Variants in TTC39B observed in about 807,000 individuals in gnomAD.
The protein encoded by TTC39B is tetratricopeptide repeat domain 39B, also known as tetratricopeptide repeat protein 39B.
Under a neutral mutation model 96.6 loss-of-function variants are expected in TTC39B, and 92 were observed. The observed-to-expected ratio is 0.95, with a 90% confidence interval of 0.80 to 1.13. The LOEUF is 1.13. Among genes scored for constraint, TTC39B ranks in the 50% most tolerant of loss-of-function variants. The pLI, the probability that TTC39B is intolerant of heterozygous loss-of-function variation, is 0.00. For synonymous variants in TTC39B, 367 were observed against 299.4 expected, an observed-to-expected ratio of 1.23 and a Z score of -2.33; for missense variants, 955 against 809.3, an observed-to-expected ratio of 1.18 and a Z score of -2.18.
intron 2 of TTC39B, among the ~76,000 whole-genome samples, chr9:15,243,888 G>C (rs897286261): frequency 2.0e-5 from 3 of 152,184 alleles, no homozygotes; most frequent in Non-Finnish European, 4.4e-5. Context: ...GCCCAGGCTG[G>C]AGTCTCTAAA....
At chr9:15,177,847 A>C in intron 17 of TTC39B, 33 bp from the exon 18 acceptor site, 1 of 1,308,474 alleles carries the variant, frequency 7.6e-7, no homozygotes, top group Non-Finnish European at 1.1e-6. Context: ...GAAAACACAC[A>C]AAGAAAAATA....
In TTC39B at chr9:15,175,142, G is replaced by C; in HGVS notation, c.1842-7C>G. 1 of 1,574,794 alleles carries C rather than the reference G, an allele frequency of 6.4e-7. No homozygotes were observed. Among genetic ancestry groups the C allele is most frequent in the Non-Finnish European group, 8.7e-7 (1 of 1,145,484 alleles). ...ATACTTCAGTAGCTTTTCACTGAAA[G>C]AGCAGAGGAAAATCAAGTAAATCTT... On this transcript the variant is annotated splice_region_variant and splice_polypyrimidine_tract_variant and intron_variant, in intron 18 of 19. Transcript: ENST00000512701.
intron 2 of TTC39B, among the ~76,000 whole-genome samples, chr9:15,265,358 T>A (rs2131545474): frequency 6.6e-6 from 1 of 152,258 alleles, no homozygotes; most frequent in South Asian, 2.1e-4. Context: ...CCCGTCCTCC[T>A]CTGTGAGGTC....
chr9:15,176,908 G>C (rs896131497), intron 18 of TTC39B, among the ~76,000 whole-genome samples: 1 of 152,184 alleles, frequency 6.6e-6, no homozygotes. Context: ...TCTATGGTTA[G>C]TAATGGAGCA....
intron 2 of TTC39B, among the ~76,000 whole-genome samples, chr9:15,239,398 A>G (rs1201858338): frequency 6.6e-6 from 1 of 152,244 alleles, no homozygotes; most frequent in Non-Finnish European, 1.5e-5. Context: ...CATTTGAGAC[A>G]GCAATCCCAC....
intron 2 of TTC39B, among the ~76,000 whole-genome samples, chr9:15,233,566 C>G (rs1053123527): frequency 1.3e-5 from 2 of 151,268 alleles, no homozygotes; most frequent in African/African-American, 4.9e-5. Flanking sequence ...CTGTGTTGGC[C>G]GGGCTGGTCT....
At chr9:15,190,769 ATATATTACG>A in intron 10 of TTC39B, 107 bp from the exon 11 acceptor site, 3 of 894,004 alleles carry the variant, frequency 3.4e-6, no homozygotes, top group Non-Finnish European at 5.3e-6. Flanking sequence ...TACAGATTTC[ATATATTACG>A]CTGTGGTGAA....
intron 19 of TTC39B, among the ~76,000 whole-genome samples, chr9:15,173,677 T>C (rs1054637285): frequency 1.3e-5 from 2 of 152,206 alleles, no homozygotes; most frequent in Non-Finnish European, 2.9e-5. Context: ...TCTCTAGCTA[T>C]ATAACATTCA....
At chr9:15,237,898 A>G (rs533465235) in intron 2 of TTC39B, among the ~76,000 whole-genome samples, 3 of 152,212 alleles carry the variant, frequency 2.0e-5, no homozygotes, top group Non-Finnish European at 4.4e-5. Context: ...ACAAAATACT[A>G]GCAAACTGAA....
At chr9:15,270,699 G>C (rs1295315503) in intron 1 of TTC39B, among the ~76,000 whole-genome samples, 9 of 151,396 alleles carry the variant, frequency 5.9e-5, no homozygotes, top group Non-Finnish European at 1.3e-4. Flanking sequence ...AGGATGGCTT[G>C]AGTTCAGCAT....
intron 8 of TTC39B, among the ~76,000 whole-genome samples, chr9:15,196,016 C>G (rs1490563891): frequency 6.6e-6 from 1 of 152,160 alleles, no homozygotes; most frequent in South Asian, 2.1e-4. Flanking sequence ...TCTGCCAGTG[C>G]TCTATAATTA....
At chr9:15,214,350 G>GTGTGTC (rs1554773305) in intron 3 of TTC39B, 101 bp from the exon 4 acceptor site, 42 of 552,308 alleles carry the variant, frequency 7.6e-5, no homozygotes, top group African/African-American at 6.1e-4. Flanking sequence ...GTGTGTGTCT[G>GTGTGTC]TGTGTGTGTG....
At chr9:15,214,333 T>TGTGC in intron 3 of TTC39B, 84 bp from the exon 4 acceptor site, 1 of 842,702 alleles carries the variant, frequency 1.2e-6, no homozygotes, top group East Asian at 2.6e-5. Flanking sequence ...TGTGTGTGTG[T>TGTGC]GTGTGTGTGT....
At chr9:15,203,497 G>C (rs1019303673) in intron 7 of TTC39B, among the ~76,000 whole-genome samples, 1 of 151,708 alleles carries the variant, frequency 6.6e-6, no homozygotes, top group Non-Finnish European at 1.5e-5. Context: ...TGGACCTCAG[G>C]TGATCCGCCC....
chr9:15,236,519 T>C (rs1007453254), intron 2 of TTC39B, among the ~76,000 whole-genome samples: 1 of 152,206 alleles, frequency 6.6e-6, no homozygotes, highest in Non-Finnish European at 1.5e-5. Flanking sequence ...ACAGAATATA[T>C]ATTCTTTTCA....
chr9:15,277,371 T>C (rs1393001568), intron 1 of TTC39B, among the ~76,000 whole-genome samples: 1 of 152,192 alleles, frequency 6.6e-6, no homozygotes, highest in African/African-American at 2.4e-5. Context: ...GCGGTTGCAG[T>C]GAGCCAAGAT....
At chr9:15,167,009 TATATATATATATATATA>T (rs1325615292) in exon 20 of TTC39B, 11 of 7,618 alleles carry the variant, frequency 1.4e-3, no homozygotes, top group African/African-American at 1.7e-3. Context: ...TATATATATA[TATATATATATATATATA>T]TATTTTTTTT....
At chr9:15,240,456 T>G (rs619105) in intron 2 of TTC39B, among the ~76,000 whole-genome samples, 1 of 151,996 alleles carries the variant, frequency 6.6e-6, no homozygotes, top group East Asian at 1.9e-4. Context: ...TTAGTATTAT[T>G]TGTAGGGCGT....
chr9:15,208,063 T>C (rs1481180378), intron 6 of TTC39B, among the ~76,000 whole-genome samples: 1 of 150,504 alleles, frequency 6.6e-6, no homozygotes, highest in Non-Finnish European at 1.5e-5. Flanking sequence ...AGAGTATTAC[T>C]CTGTCACCCA....
Sources: allele counts gnomAD v4.1 joint callset (sites outside exome capture counted in the v4.1 genomes callset), GRCh38; gene constraint gnomAD v4.1.1; transcripts MANE v1.5; gene names NCBI Gene and HGNC (gene_info 2026-07-23, HGNC 2026-07-21).